SDC3: variants seen among roughly 807,000 people sequenced by gnomAD.
SDC3 encodes syndecan-3.
In SDC3, 13 loss-of-function variants were observed where a neutral mutation model predicts 24.4. The observed-to-expected ratio is 0.53, with a 90% CI of 0.35 to 0.85. The LOEUF (loss-of-function observed/expected upper bound fraction) is 0.85, where lower values mean the gene tolerates loss of function less well. Ranked by LOEUF, SDC3 falls within the 40% of genes least tolerant of loss-of-function variation. SDC3 has a pLI of 0.01. For synonymous variants in SDC3, 295 were observed against 260.9 expected, an observed-to-expected ratio of 1.13 and a Z score of -1.26; for missense variants, 571 against 584.5, an observed-to-expected ratio of 0.98 and a Z score of 0.24.
intron 3 of SDC3, among the ~76,000 whole-genome samples, chr1:30,876,271 A>C (rs897889114): frequency 2.0e-4 from 30 of 152,056 alleles, no homozygotes; most frequent in African/African-American, 7.2e-4. Flanking sequence ...TCTCAACCGA[A>C]ACACTCAGCC....
At chr1:30,878,370 C>T (rs773558165) in intron 2 of SDC3, 5 of 427,926 alleles carry the variant, frequency 1.2e-5, no homozygotes, top group Non-Finnish European at 2.1e-5. Context: ...ACATAGCACA[C>T]ACAAAGATGC....
At chr1:30,878,590 C>T in intron 2 of SDC3, 33 bp downstream of exon 2, 1 of 1,560,318 alleles carries the variant, frequency 6.4e-7, no homozygotes, top group Non-Finnish European at 8.8e-7. Flanking sequence ...CTGGTCACTG[C>T]CCCCAGGCAG....
chr1:30,898,935 G>C (rs1638344522), intron 1 of SDC3, among the ~76,000 whole-genome samples: 1 of 152,136 alleles, frequency 6.6e-6, no homozygotes, highest in African/African-American at 2.4e-5. Flanking sequence ...ATAATTAAAA[G>C]TCATCACCCA....
chr1:30,894,796 T>C lies in SDC3; in HGVS notation c.138+13653A>G, dbSNP rs574953656. On this transcript the variant is annotated intron_variant, in intron 1 of 4. Transcript: ENST00000339394. The stretch of plus-strand genomic sequence containing the variant: ...ACATCCAAGCACATTCAGGGGTATT[T>C]CTGGGCGTGTGTGTCTGTCTAGGTG... 5.3e-5 allele frequency among the ~76,000 whole-genome samples: 8 copies of C among 151,980 alleles called. No individual in the cohort carries two copies. The South Asian group carries it at 1.2e-3, about 24-fold the overall frequency.
In SDC3 at chr1:30,874,541, C is replaced by T; in HGVS notation, c.918G>A (p.Glu306=). The change falls in exon 4 of 5, where the codon GAG becomes GAA. Residue 306 remains glutamate (E), a synonymous_variant. Coordinates refer to ENST00000339394, the MANE Select transcript of SDC3 (RefSeq NM_014654.4). ...TFLTTIRDEP[E]VPVSGGPSGD... ...CACTGGGCCCCCCACTCACCGGAAC[C>T]TCTGGCTCATCCCGGATTGTGGTCA... The T allele has an allele frequency of 6.2e-7, 1 of 1,614,156 alleles. No individual in the cohort carries two copies. The highest frequency in any genetic ancestry group is 8.5e-7 in the Non-Finnish European group (1 of 1,180,020).
intron 1 of SDC3, among the ~76,000 whole-genome samples, chr1:30,885,952 G>A (rs933799076): frequency 6.6e-6 from 1 of 152,100 alleles, no homozygotes; most frequent in Non-Finnish European, 1.5e-5. Flanking sequence ...CTCCGTCACC[G>A]CCCCATCAAT....
At chr1:30,877,719 T>C (rs2491133) in intron 2 of SDC3, 115,003 of 154,860 alleles carry the variant, frequency 0.74, 43,211 homozygotes, top group African/African-American at 0.84. Flanking sequence ...GGAAATGAGA[T>C]GGGGAGTAGG....
At chr1:30,901,364 TGACA>T (rs1048572789) in intron 1 of SDC3, among the ~76,000 whole-genome samples, 2 of 152,192 alleles carry the variant, frequency 1.3e-5, no homozygotes, top group African/African-American at 4.8e-5. Flanking sequence ...AGGGCCCATG[TGACA>T]GACAGAACAC....
upstream of SDC3, among the ~76,000 whole-genome samples, chr1:30,908,937 C>T (rs1461079845): frequency 6.6e-6 from 1 of 151,670 alleles, no homozygotes; most frequent in East Asian, 2.0e-4. Context: ...CCCGCGCTGC[C>T]GAGTGGGCAC....
At chr1:30,874,704 G>A (rs978687653) in intron 3 of SDC3, 116 bp from the exon 4 acceptor site, 1 of 913,706 alleles carries the variant, frequency 1.1e-6, no homozygotes, top group African/African-American at 1.7e-5. Flanking sequence ...CAGGCACTGT[G>A]CTACACACTA....
In SDC3 at chr1:30,872,657, C is replaced by A. The variant is rs1639560354; in HGVS notation, c.*554G>T. On this transcript the variant is annotated 3_prime_UTR_variant, in exon 5 of 5. Coordinates refer to ENST00000339394, the MANE Select transcript of SDC3 (RefSeq NM_014654.4). ...TTGGCAGGCAAGAGGAGAGATTCAA[C>A]AACCCCAGAGAGACCAGGACAAAAC... 6.5e-6 allele frequency: 1 copy of A among 153,582 alleles called. No homozygotes were observed. 9.5% of individuals were successfully genotyped at this position (153,582 alleles called of 1,614,324 possible).
At position 30,876,806 on chromosome 1, in the gene SDC3, T is replaced by C. The variant is rs1443261773; in HGVS notation, c.616A>G (p.Thr206Ala). The change falls in exon 3 of 5, where the codon ACT becomes GCT. Residue 206 changes from threonine to alanine, a missense_variant. Physicochemically the swap from Thr to Ala is moderately conservative, Grantham distance 58. This residue lies in a region of SDC3 where 497 missense variants were observed against 471.6 expected (regional missense o/e 1.05). Coordinates refer to ENST00000339394, the MANE Select transcript of SDC3 (RefSeq NM_014654.4). ...FTATTAVIRT[T>A]GVRRLLPLPL... Reference sequence around the variant, plus strand: ...AGAGGCAGAAGCCTCCGTACGCCAGTGGTCCTTATAACAGCAGTGGTGGCC... The same window carrying C: ...AGAGGCAGAAGCCTCCGTACGCCAGCGGTCCTTATAACAGCAGTGGTGGCC... 1.2e-6 allele frequency: 2 copies of C among 1,605,386 alleles called. No individual in the cohort carries two copies. The highest frequency in any genetic ancestry group is 3.4e-5 in the Admixed American group (2 of 58,972).
At chr1:30,900,051 C>G (rs1256889003) in intron 1 of SDC3, among the ~76,000 whole-genome samples, 1 of 152,178 alleles carries the variant, frequency 6.6e-6, no homozygotes, top group East Asian at 1.9e-4. Flanking sequence ...GACACAGTAA[C>G]AGTCTGATCG....
chr1:30,878,468 T>C, intron 2 of SDC3, 155 bp downstream of exon 2: 1 of 624,428 alleles, frequency 1.6e-6, no homozygotes, highest in South Asian at 2.0e-5. Flanking sequence ...TCTGCCCTTC[T>C]TGTTCTGGGG....
chr1:30,888,414 G>A (rs1242024169), intron 1 of SDC3, among the ~76,000 whole-genome samples: 3 of 152,148 alleles, frequency 2.0e-5, no homozygotes, highest in Non-Finnish European at 4.4e-5. Flanking sequence ...GAGCTCTGCT[G>A]GGCTGACCCC....
chr1:30,877,332 G>A (rs1379344001), intron 2 of SDC3, 167 bp from the exon 3 acceptor site: 14 of 908,074 alleles, frequency 1.5e-5, no homozygotes, highest in Non-Finnish European at 2.0e-5. Flanking sequence ...CCCAGCTAAA[G>A]GTGGTCAGTT....
At chr1:30,887,636 G>C (rs771476256) in intron 1 of SDC3, among the ~76,000 whole-genome samples, 1 of 152,238 alleles carries the variant, frequency 6.6e-6, no homozygotes, top group African/African-American at 2.4e-5. Context: ...GTTTATTTCC[G>C]GGCTTCAGAG....
In SDC3 at chr1:30,876,764, C is replaced by T. The variant is rs1639646727; in HGVS notation, c.658G>A (p.Ala220Thr). 6.3e-7 allele frequency: 1 copy of T among 1,588,862 alleles called. No homozygotes were observed. Among genetic ancestry groups the T allele is most frequent in the African/African-American group, 1.3e-5 (1 of 74,126 alleles). Residue 220 changes from alanine (A) to threonine (T), a missense_variant, in exon 3 of 5, where the codon GCT (alanine) becomes ACT (threonine). Around this residue, in one of 2 missense-constraint regions of SDC3, gnomAD observed 497 missense variants for 471.6 expected, o/e 1.05. Coordinates refer to ENST00000339394, the MANE Select transcript of SDC3 (RefSeq NM_014654.4). Reference protein sequence around the residue: ...RLLPLPLTTVATARATTPEAP... With the variant: ...RLLPLPLTTVTTARATTPEAP... ...TCGGGGGTAGTGGCCCGTGCCGTAG[C>T]CACTGTGGTCAGTGGGAGAGGCAGA...
chr1:30,878,479 A>G (rs1426874946), intron 2 of SDC3, 144 bp downstream of exon 2: 1 of 646,258 alleles, frequency 1.5e-6, no homozygotes, highest in Non-Finnish European at 2.8e-6. Flanking sequence ...TGTTCTGGGG[A>G]TCCAGAGCAA....
Sources: allele counts gnomAD v4.1 joint callset (sites outside exome capture counted in the v4.1 genomes callset), GRCh38; gene constraint gnomAD v4.1.1; regional missense constraint gnomAD v4.1.1; transcripts MANE v1.5; gene names NCBI Gene and HGNC (gene_info 2026-07-23, HGNC 2026-07-21).